The following PGM2 variants were observed in gnomAD, a reference collection of about 807,000 sequenced individuals.
PGM2 encodes the protein phosphoglucomutase 2.
In PGM2, 57 loss-of-function variants were observed where a neutral mutation model predicts 74.6. The ratio of observed to expected loss-of-function variants is 0.76; its 90% CI spans 0.62 to 0.95. The LOEUF (loss-of-function observed/expected upper bound fraction) is 0.95, where lower values mean the gene tolerates loss of function less well. PGM2 is among the 40% of genes least tolerant of loss of function. The pLI is 0.00. For synonymous variants in PGM2, 273 were observed against 260.7 expected (o/e 1.05, Z -0.46); for missense variants, 706 against 741.9 (o/e 0.95, Z 0.56).
rs1247208760 is a variant in PGM2 at position 37,861,510 on chromosome 4, T to C, written c.1737T>C (p.Ser579=). ...GATTTTTTTCCCCCTTATTTTCCAGTGATCCTGAGCAGCTGAAGAAGGAAC... is the reference window on the plus strand; with the variant it reads ...GATTTTTTTCCCCCTTATTTTCCAGCGATCCTGAGCAGCTGAAGAAGGAAC... ...YAELCAPPGN[S]DPEQLKKELN... The change falls in exon 14 of 14, where the codon AGT becomes AGC. Residue 579 remains serine, a splice_region_variant and synonymous_variant. Transcript: ENST00000381967. 11 of 1,604,622 alleles carry C rather than the reference T, an allele frequency of 6.9e-6. No homozygotes were observed. Among genetic ancestry groups the C allele is most frequent in the Non-Finnish European group, 8.5e-6 (10 of 1,172,024 alleles).
chr4:37,831,347 C>T (rs1033962375), intron 2 of PGM2, among the ~76,000 whole-genome samples: 1 of 152,110 alleles, frequency 6.6e-6, no homozygotes, highest in African/African-American at 2.4e-5. Context: ...AACTGTGCTG[C>T]TGAATAAGGT....
At chr4:37,842,718 T>C (rs2152177665) in intron 6 of PGM2, among the ~76,000 whole-genome samples, 1 of 152,142 alleles carries the variant, frequency 6.6e-6, no homozygotes, top group African/African-American at 2.4e-5. Flanking sequence ...TGCAGTGCAG[T>C]GGCATGATCT....
chr4:37,840,357 T>C, intron 6 of PGM2, 98 bp downstream of exon 6: 2 of 706,624 alleles, frequency 2.8e-6, no homozygotes. Flanking sequence ...TTTGCTCATG[T>C]ACTACAGCTG....
intron 3 of PGM2, among the ~76,000 whole-genome samples, chr4:37,835,774 C>G (rs145963270): frequency 6.6e-6 from 1 of 152,166 alleles, no homozygotes; most frequent in Non-Finnish European, 1.5e-5. Context: ...GAAAATCACC[C>G]GGTGGCATCA....
chr4:37,860,751 A>G (rs558613256), intron 13 of PGM2, among the ~76,000 whole-genome samples: 62 of 152,336 alleles, frequency 4.1e-4, no homozygotes, highest in African/African-American at 1.3e-3. Flanking sequence ...ACACTAGGCT[A>G]CTTAAGATGC....
In PGM2 at chr4:37,826,797, GGCTGCGCTGGGA is replaced by G. The variant is rs1472310258; in HGVS notation, c.66_77del (p.Trp22_Asp26delinsCys). The G allele has an allele frequency of 3.9e-6, 6 of 1,547,642 alleles. No homozygotes were observed. The highest frequency in any genetic ancestry group is 5.2e-6 in the Non-Finnish European group (6 of 1,144,942). On this transcript the variant is annotated inframe_deletion, in exon 1 of 14. Coordinates refer to ENST00000381967, the MANE Select transcript of PGM2 (RefSeq NM_018290.4). ...CGGCTGGACCAGGAGACCGCCCAGT[GGCTGCGCTGGGA>G]CAAGGTGAGGGGCACCAGCAGGCGG...
chr4:37,855,594 G>A lies in PGM2; in HGVS notation c.1603-14G>A, dbSNP rs777924042. On this transcript the variant is annotated splice_polypyrimidine_tract_variant and intron_variant, in intron 12 of 13. Transcript: ENST00000381967. Reference sequence around the variant, plus strand: ...GTTACTATTTAAATTTATAATGTGTGCATTAATTCCTAGGTTCTTCCCACT... The same window carrying A: ...GTTACTATTTAAATTTATAATGTGTACATTAATTCCTAGGTTCTTCCCACT... 5 of 1,609,936 alleles carry A rather than the reference G, an allele frequency of 3.1e-6. No homozygotes were observed. Among genetic ancestry groups the A allele is most frequent in the South Asian group, 1.1e-5 (1 of 90,570 alleles).
intron 2 of PGM2, among the ~76,000 whole-genome samples, chr4:37,834,210 T>G (rs1725504844): frequency 6.7e-6 from 1 of 149,892 alleles, no homozygotes; most frequent in South Asian, 2.1e-4. Flanking sequence ...AGCATGCACC[T>G]GTGGTCCTAG....
At chr4:37,854,370 A>G (rs112881082) in intron 12 of PGM2, among the ~76,000 whole-genome samples, 2,675 of 149,166 alleles carry the variant, frequency 0.018, 48 homozygotes, top group Middle Eastern at 0.079. Context: ...TCTTTTTTGG[A>G]GGCATAGTTT....
In PGM2 at chr4:37,848,630, A is replaced by G; in HGVS notation, c.1391A>G (p.Gln464Arg). The change falls in exon 11 of 14, where the codon CAA (glutamine) becomes CGA (arginine). Residue 464 changes from glutamine to arginine, a missense_variant. Physicochemically the swap from Gln to Arg is conservative, Grantham distance 43. Transcript: ENST00000381967. ...ACCAAGAATTTGTCTTTGTCTCAGC[A>G]ACTAAAGGCCATTTATGTGGAGTAA... Reference protein sequence around the residue: ...LATKNLSLSQQLKAIYVEYGY... With the variant: ...LATKNLSLSQRLKAIYVEYGY... 1 of 1,613,710 alleles carries G rather than the reference A, an allele frequency of 6.2e-7. No homozygotes were observed. Among genetic ancestry groups the G allele is most frequent in the South Asian group, 1.1e-5 (1 of 91,064 alleles).
chr4:37,846,840 GT>G, intron 8 of PGM2, 90 bp from the exon 9 acceptor site: 1 of 989,840 alleles, frequency 1.0e-6, no homozygotes, highest in Non-Finnish European at 1.5e-6. Context: ...TAGATGCTTT[GT>G]TTGCTAAATT....
chr4:37,831,192 CAAAAAAAA>C (rs11432971), intron 2 of PGM2, among the ~76,000 whole-genome samples: 3 of 74,090 alleles, frequency 4.0e-5, no homozygotes, highest in Non-Finnish European at 7.3e-5. Context: ...GACTCTGTCT[CAAAAAAAA>C]AAAAAAAAAA....
rs1725432599 is a variant in PGM2, at chr4:37,831,186, C to CGAA, written c.249+1055_249+1056insGAA. Among the ~76,000 whole-genome samples, 4 of 44,264 alleles carry CGAA rather than the reference C, an allele frequency of 9.0e-5. 1 individual carries two copies. The South Asian group carries it at 2.7e-3, about 30-fold the overall frequency. The allele number at this position is 44,264 out of a possible 152,430, so 29.0% of individuals were successfully genotyped here. On this transcript the variant is annotated intron_variant, in intron 2 of 13. Transcript: ENST00000381967. ...CCAGCCTGGGCAACAGAGCAAGACTCTGTCTCAAAAAAAAAAAAAAAAAAA... is the reference window on the plus strand; with the variant it reads ...CCAGCCTGGGCAACAGAGCAAGACTCGAATGTCTCAAAAAAAAAAAAAAAAAAA...
intron 12 of PGM2, among the ~76,000 whole-genome samples, chr4:37,852,585 C>G (rs534224443): frequency 2.0e-4 from 30 of 152,264 alleles, no homozygotes; most frequent in African/African-American, 7.0e-4. Context: ...TTATTCTGTC[C>G]TCACACTTCA....
At chr4:37,835,809 A>T (rs907687953) in intron 3 of PGM2, among the ~76,000 whole-genome samples, 22 of 152,318 alleles carry the variant, frequency 1.4e-4, no homozygotes, top group South Asian at 6.2e-4. Flanking sequence ...TCAGGAGGGC[A>T]TAAGATTTTT....
At position 37,847,072 on chromosome 4, in the gene PGM2, C is replaced by G; in HGVS notation, c.1149C>G (p.Ile383Met). The G allele has an allele frequency of 6.2e-7, 1 of 1,613,832 alleles. No homozygotes were observed. The highest frequency in any genetic ancestry group is 8.5e-7 in the Non-Finnish European group (1 of 1,179,746). ...TGTCCAGCACCGTCTCCTCCAAAAT[C>G]TTGCGGGCCATTGCCTTAAAGGAAG... is the stretch of plus-strand genomic sequence containing the variant. ...YMLSSTVSSK[I>M]LRAIALKEGF... The change falls in exon 9 of 14, where the codon ATC becomes ATG. Residue 383 changes from isoleucine to methionine, a missense_variant. Around this residue, in one of 3 missense-constraint regions of PGM2, gnomAD observed 359 missense variants for 371.1 expected, o/e 0.97. Coordinates refer to ENST00000381967, the MANE Select transcript of PGM2 (RefSeq NM_018290.4).
chr4:37,829,606 T>G (rs565945918), intron 1 of PGM2, among the ~76,000 whole-genome samples: 1 of 152,268 alleles, frequency 6.6e-6, no homozygotes, highest in African/African-American at 2.4e-5. Flanking sequence ...GGTTCTAGAT[T>G]ATTCCCATTT....
intron 13 of PGM2, among the ~76,000 whole-genome samples, chr4:37,858,349 T>TTTG (rs751776184): frequency 0.17 from 25,843 of 151,154 alleles, 2,698 homozygotes; most frequent in African/African-American, 0.3. Flanking sequence ...TGTTTTTTGT[T>TTTG]TTTTTTTTAA....
At chr4:37,847,354 A>G (rs752324178) in intron 10 of PGM2, 59 bp downstream of exon 10, 1 of 1,270,628 alleles carries the variant, frequency 7.9e-7, no homozygotes, top group South Asian at 1.2e-5. Flanking sequence ...AAAGGTTTGG[A>G]TTGGGATTCA....
Sources: gnomAD v4.1 joint callset for allele counts (sites outside exome capture counted in the v4.1 genomes callset) on GRCh38, gnomAD v4.1.1 for gene constraint, gnomAD v4.1.1 regional missense constraint, MANE v1.5 for transcripts, NCBI Gene and HGNC (gene_info 2026-07-23, HGNC 2026-07-21) for gene names.